The following CRACDL variants were observed in gnomAD, a reference collection of about 807,000 sequenced individuals.
The protein encoded by CRACDL is CRACD-like protein.
CRACDL carries 26 observed loss-of-function variants against 70.6 expected under a neutral mutation model. That is an observed-to-expected ratio of 0.37 (90% CI 0.27 to 0.51). The LOEUF (loss-of-function observed/expected upper bound fraction) is 0.51. Ranked by LOEUF, CRACDL falls within the 20% of genes least tolerant of loss-of-function variation. CRACDL has a pLI of 0.94. For synonymous variants in CRACDL, 618 were observed against 615.2 expected, an observed-to-expected ratio of 1.00 and a Z score of -0.07; for missense variants, 1,283 against 1,376.9, an observed-to-expected ratio of 0.93 and a Z score of 1.08.
chr2:98,863,782 C>G (rs1707026051), intron 1 of CRACDL, among the ~76,000 whole-genome samples: 1 of 152,086 alleles, frequency 6.6e-6, no homozygotes, highest in African/African-American at 2.4e-5. Flanking sequence ...GGACATAACC[C>G]CATCGTAAGT....
At chr2:98,854,279 C>CAAAAAAAA (rs1229198569) in intron 1 of CRACDL, among the ~76,000 whole-genome samples, 20 of 54,148 alleles carry the variant, frequency 3.7e-4, no homozygotes, top group Non-Finnish European at 4.5e-4. Flanking sequence ...GACTCTGTCT[C>CAAAAAAAA]AAAAAAAAAA....
intron 1 of CRACDL, among the ~76,000 whole-genome samples, chr2:98,861,941 G>T (rs1377754524): frequency 6.6e-6 from 1 of 152,154 alleles, no homozygotes; most frequent in African/African-American, 2.4e-5. Context: ...TCTGGCTGTT[G>T]CTTCTGATAA....
chr2:98,883,001 C>T (rs1345910975), intron 1 of CRACDL, among the ~76,000 whole-genome samples: 2 of 152,212 alleles, frequency 1.3e-5, no homozygotes, highest in African/African-American at 4.8e-5. Flanking sequence ...CCATCCCCTG[C>T]ACGTGCCCAG....
intron 1 of CRACDL, among the ~76,000 whole-genome samples, chr2:98,922,890 A>C (rs573492188): frequency 1.3e-5 from 2 of 152,204 alleles, no homozygotes; most frequent in Non-Finnish European, 2.9e-5. Context: ...TAATGCCTGG[A>C]AGCTAAAAAG....
chr2:98,900,917 G>T (rs1185377907), intron 1 of CRACDL, among the ~76,000 whole-genome samples: 1 of 152,176 alleles, frequency 6.6e-6, no homozygotes, highest in African/African-American at 2.4e-5. Flanking sequence ...GAAGGAGAAG[G>T]TCACCCGGCT....
intron 1 of CRACDL, among the ~76,000 whole-genome samples, chr2:98,886,311 T>A (rs1362981080): frequency 2.0e-5 from 3 of 152,230 alleles, no homozygotes; most frequent in Non-Finnish European, 2.9e-5. Context: ...CCCACTGAGG[T>A]GCTTGCTGAA....
At chr2:98,853,711 T>C (rs1371582173) in intron 1 of CRACDL, among the ~76,000 whole-genome samples, 3 of 152,238 alleles carry the variant, frequency 2.0e-5, no homozygotes, top group African/African-American at 7.2e-5. Context: ...TGTATGTAGA[T>C]GTAATATGTG....
At chr2:98,882,144 T>C (rs1458924098) in intron 1 of CRACDL, among the ~76,000 whole-genome samples, 1 of 152,100 alleles carries the variant, frequency 6.6e-6, no homozygotes, top group East Asian at 1.9e-4. Context: ...CTCCTAGAAA[T>C]GGGAACTCAG....
chr2:98,880,437 C>T (rs1707614628), intron 1 of CRACDL, among the ~76,000 whole-genome samples: 1 of 152,184 alleles, frequency 6.6e-6, no homozygotes, highest in African/African-American at 2.4e-5. Flanking sequence ...GAGCACCAAG[C>T]CAGGCAACTC....
intron 1 of CRACDL, among the ~76,000 whole-genome samples, chr2:98,893,078 C>T (rs1316571243): frequency 6.6e-6 from 1 of 152,186 alleles, no homozygotes; most frequent in Non-Finnish European, 1.5e-5. Flanking sequence ...AAGGCCCTTC[C>T]CAGGTGCCCT....
chr2:98,866,472 CTTCTTT>C (rs1707147202), intron 1 of CRACDL, among the ~76,000 whole-genome samples: 1 of 107,806 alleles, frequency 9.3e-6, no homozygotes, highest in African/African-American at 3.5e-5. Flanking sequence ...ACAATCACTT[CTTCTTT>C]TTTTTTTTTT....
chr2:98,873,530 A>G (rs1374304837), intron 1 of CRACDL, among the ~76,000 whole-genome samples: 1 of 152,228 alleles, frequency 6.6e-6, no homozygotes, highest in Non-Finnish European at 1.5e-5. Flanking sequence ...CTGGCCTGGG[A>G]CAGGGATACA....
Position 98,823,192 on chromosome 2 carries a change from G to C in CRACDL, c.1081C>G (p.Pro361Ala). 1 of 1,471,680 alleles carries C rather than the reference G, an allele frequency of 6.8e-7. No individual in the cohort carries two copies. The highest frequency in any genetic ancestry group is 9.0e-7 in the Non-Finnish European group (1 of 1,112,042). The allele number at this position is 1,471,680 out of a possible 1,614,324, so 91.2% of individuals were successfully genotyped here. A position where few individuals can be genotyped will look rare whatever the true frequency, so the allele number is the denominator to read the frequency against. ...CCGCCGTCGGGACCGGGATTCGGGG[G>C]GCCCTCCGGCGGGGACGGGGGCTCC... ...RVEPPSPPEG[P>A]PNPGPDGGKQ... Residue 361 changes from proline to alanine, a missense_variant, in exon 7 of 10, where the codon CCC (proline) becomes GCC (alanine). Coordinates refer to ENST00000397899, the MANE Select transcript of CRACDL (RefSeq NM_207362.3). The surrounding 1 kb of genome is among the most constrained non-coding windows in gnomAD (Gnocchi z 4.0).
chr2:98,879,587 T>C (rs1286287537), intron 1 of CRACDL, among the ~76,000 whole-genome samples: 1 of 152,210 alleles, frequency 6.6e-6, no homozygotes, highest in African/African-American at 2.4e-5. Flanking sequence ...CTCACTCTGT[T>C]GCCTAGGCTG....
intron 1 of CRACDL, among the ~76,000 whole-genome samples, chr2:98,861,731 AACT>A (rs1706944994): frequency 6.6e-6 from 1 of 152,202 alleles, no homozygotes; most frequent in Non-Finnish European, 1.5e-5. Flanking sequence ...CTCTGGAGTC[AACT>A]GAAGGCTTGC....
Position 98,932,598 on chromosome 2 carries a change from C to T in CRACDL, c.-11+3340G>A, listed in dbSNP as rs149356632. Among the ~76,000 whole-genome samples the T allele has an allele frequency of 7.9e-3, 1,201 of 152,258 alleles. 7 individuals carry two copies. The highest frequency in any genetic ancestry group is 0.012 in the Non-Finnish European group (835 of 68,024). On this transcript the variant is annotated intron_variant, in intron 1 of 9. Coordinates refer to ENST00000397899, the MANE Select transcript of CRACDL (RefSeq NM_207362.3). ...CCATGACAGTGGGCCGGGCTGTGTACGCAGAAAGCCATTCAATCCCCGCAA... is the reference window on the plus strand; with the variant it reads ...CCATGACAGTGGGCCGGGCTGTGTATGCAGAAAGCCATTCAATCCCCGCAA...
chr2:98,831,766 T>C (rs777775252), intron 5 of CRACDL, among the ~76,000 whole-genome samples: 1 of 152,152 alleles, frequency 6.6e-6, no homozygotes, highest in Non-Finnish European at 1.5e-5. Flanking sequence ...GCCCCCCTCT[T>C]GGATTCTAAT....
At chr2:98,862,341 A>T (rs1224226352) in intron 1 of CRACDL, among the ~76,000 whole-genome samples, 1 of 152,182 alleles carries the variant, frequency 6.6e-6, no homozygotes, top group African/African-American at 2.4e-5. Flanking sequence ...GAGTTACCAT[A>T]CTATTAGACT....
chr2:98,843,205 A>C (rs1305200812), intron 2 of CRACDL, among the ~76,000 whole-genome samples: 1 of 152,144 alleles, frequency 6.6e-6, no homozygotes, highest in African/African-American at 2.4e-5. Flanking sequence ...TCTTAGGTAA[A>C]GCATGATTTA....
Sources: gnomAD v4.1 joint callset for allele counts (sites outside exome capture counted in the v4.1 genomes callset) on GRCh38, gnomAD v4.1.1 for gene constraint, Gnocchi (gnomAD v3.1) non-coding constraint, MANE v1.5 for transcripts, NCBI Gene and HGNC (gene_info 2026-07-23, HGNC 2026-07-21) for gene names.